NBAS: variants seen among roughly 807,000 people sequenced by gnomAD.
NBAS encodes NAG/BC035112 fusion.
In NBAS, 219 loss-of-function variants were observed where a neutral mutation model predicts 302.5. The observed-to-expected ratio is 0.72, with a 90% confidence interval of 0.65 to 0.81. NBAS has a LOEUF of 0.81. Ranked by LOEUF, NBAS falls within the 30% of genes least tolerant of loss-of-function variation. The pLI is 0.00. For missense variants in NBAS, 2,932 were observed against 2,841.6 expected (o/e 1.03, Z -0.72); for synonymous variants, 1,118 against 1,021.6 (o/e 1.09, Z -1.80).
chr2:15,088,032 C>T, the NBAS span, among the ~76,000 whole-genome samples: 10 of 152,210 alleles, frequency 6.6e-5, no homozygotes, highest in African/African-American at 1.9e-4. Context: ...CGGGAATGTG[C>T]TCAGAGGAGA....
At chr2:15,055,879 A>G in the NBAS span, among the ~76,000 whole-genome samples, 2 of 152,346 alleles carry the variant, frequency 1.3e-5, no homozygotes, top group East Asian at 3.9e-4. Context: ...AGCAGATCCC[A>G]AAATGCAGTT....
chr2:14,989,691 CTT>C, the NBAS span, among the ~76,000 whole-genome samples: 1 of 152,130 alleles, frequency 6.6e-6, no homozygotes, highest in Non-Finnish European at 1.5e-5. Context: ...AAGAGACAAA[CTT>C]AAATTCAGAA....
intron 21 of NBAS, among the ~76,000 whole-genome samples, chr2:15,448,727 C>T (rs923366126): frequency 1.3e-5 from 2 of 152,230 alleles, no homozygotes; most frequent in East Asian, 3.9e-4. Flanking sequence ...GTCTTGTCGA[C>T]AAAATATTAT....
intron 48 of NBAS, among the ~76,000 whole-genome samples, chr2:15,205,824 T>C (rs1331069037): frequency 6.6e-6 from 1 of 152,176 alleles, no homozygotes; most frequent in African/African-American, 2.4e-5. Context: ...TGCTTCTCCT[T>C]TACCTTCTGT....
rs920633717 is a variant in NBAS at position 15,468,473 on chromosome 2, C to T, written c.1786G>A (p.Val596Met). The T allele has an allele frequency of 1.3e-5, 21 of 1,613,958 alleles. No individual in the cohort carries two copies. The Middle Eastern group carries it at 2.1e-3, about 164-fold the overall frequency. Residue 596 changes from valine (V) to methionine (M), a missense_variant, in exon 17 of 52, where the codon GTG becomes ATG. By Grantham distance (21) the Val-to-Met change is conservative. Transcript: ENST00000281513. ...TGAAGCAGTTCTTTTGCAGCATCCA[C>T]ATTTTCAGGAACTCTTTCCAAACAC... ...HECLERVPENVDAAKELLQYG... is the reference protein window; with the variant it reads ...HECLERVPENMDAAKELLQYG...
At chr2:15,111,908 A>G in the NBAS span, among the ~76,000 whole-genome samples, 4 of 147,674 alleles carry the variant, frequency 2.7e-5, no homozygotes, top group Non-Finnish European at 6.0e-5. Flanking sequence ...TATATATTAT[A>G]TTAATTAAAT....
At chr2:15,285,577 C>T (rs1421998343) in intron 42 of NBAS, among the ~76,000 whole-genome samples, 2 of 152,214 alleles carry the variant, frequency 1.3e-5, no homozygotes, top group African/African-American at 4.8e-5. Flanking sequence ...AACCCCAGAT[C>T]TGTAAGATCC....
At chr2:15,381,455 T>C (rs1040687128) in intron 29 of NBAS, among the ~76,000 whole-genome samples, 3 of 152,212 alleles carry the variant, frequency 2.0e-5, no homozygotes, top group Non-Finnish European at 4.4e-5. Context: ...ACAGAAGTCA[T>C]TAAAATATCA....
At chr2:14,967,498 G>A in the NBAS span, among the ~76,000 whole-genome samples, 1 of 152,154 alleles carries the variant, frequency 6.6e-6, no homozygotes, top group Non-Finnish European at 1.5e-5. Flanking sequence ...CATAGTTAAT[G>A]ACCAATTATT....
the NBAS span, among the ~76,000 whole-genome samples, chr2:15,045,589 C>T: frequency 6.6e-6 from 1 of 152,102 alleles, no homozygotes; most frequent in Non-Finnish European, 1.5e-5. Flanking sequence ...ATATATACAT[C>T]ACATTTTTTA....
chr2:15,373,914 G>C (rs1283757858), intron 31 of NBAS, among the ~76,000 whole-genome samples: 1 of 152,120 alleles, frequency 6.6e-6, no homozygotes, highest in African/African-American at 2.4e-5. Context: ...GGGCACAGAG[G>C]TCCAGGATTT....
At chr2:15,498,078 G>A (rs1681134836) in intron 11 of NBAS, among the ~76,000 whole-genome samples, 2 of 152,134 alleles carry the variant, frequency 1.3e-5, no homozygotes, top group Admixed American at 1.3e-4. Flanking sequence ...CAAAATGGGT[G>A]ATTAGTAAAA....
the NBAS span, among the ~76,000 whole-genome samples, chr2:14,979,228 G>C: frequency 1.3e-5 from 2 of 152,136 alleles, no homozygotes; most frequent in Non-Finnish European, 2.9e-5. Flanking sequence ...TGCATTATGA[G>C]AAGCAAAGAA....
chr2:15,166,878 G>C, downstream of NBAS: 1 of 852,780 alleles, frequency 1.2e-6, no homozygotes. Flanking sequence ...CTCAGTACAA[G>C]AAAGAAAAAA....
At chr2:15,302,909 T>G (rs1289592066) in intron 40 of NBAS, among the ~76,000 whole-genome samples, 3 of 152,220 alleles carry the variant, frequency 2.0e-5, no homozygotes, top group Admixed American at 6.5e-5. Context: ...CCATGCTGGA[T>G]GCTTCCTGCC....
In NBAS at chr2:15,536,410, A is replaced by G. The variant is rs1558421007; in HGVS notation, c.647+8T>C. 6.2e-7 allele frequency: 1 copy of G among 1,612,936 alleles called. No homozygotes were observed. The highest frequency in any genetic ancestry group is 1.7e-5 in the Admixed American group (1 of 60,016). Reference sequence around the variant, plus strand: ...ATTTCAAATATGGCTTCCAAAGCACATTTTTACCTTACAAGGTAACTTCTA... The same window carrying G: ...ATTTCAAATATGGCTTCCAAAGCACGTTTTTACCTTACAAGGTAACTTCTA... On this transcript the variant is annotated splice_region_variant and intron_variant, in intron 8 of 51. Coordinates refer to ENST00000281513, the MANE Select transcript of NBAS (RefSeq NM_015909.4).
chr2:15,055,553 C>T, the NBAS span, among the ~76,000 whole-genome samples: 7 of 151,992 alleles, frequency 4.6e-5, no homozygotes, highest in African/African-American at 1.7e-4. Context: ...GTATAGGAGT[C>T]AGAGAATGGT....
At chr2:14,900,226 C>T in the NBAS span, among the ~76,000 whole-genome samples, 5 of 151,606 alleles carry the variant, frequency 3.3e-5, no homozygotes, top group East Asian at 1.9e-4. Flanking sequence ...ATATTAAACA[C>T]GCCTTCCATG....
the NBAS span, among the ~76,000 whole-genome samples, chr2:15,151,249 G>A: frequency 6.6e-6 from 1 of 152,118 alleles, no homozygotes; most frequent in Admixed American, 6.5e-5. Flanking sequence ...GGGCCAATTT[G>A]GATTAGGAAT....
Sources: allele counts gnomAD v4.1 joint callset (sites outside exome capture counted in the v4.1 genomes callset), GRCh38; gene constraint gnomAD v4.1.1; transcripts MANE v1.5; gene names NCBI Gene and HGNC (gene_info 2026-07-23, HGNC 2026-07-21).